STAG1: variants seen among roughly 807,000 people sequenced by gnomAD.
STAG1 encodes cohesin subunit SA-1.
STAG1 carries 26 observed loss-of-function variants against 170.9 expected under a neutral mutation model. The observed-to-expected ratio is 0.15, with a 90% CI of 0.11 to 0.21. The LOEUF (loss-of-function observed/expected upper bound fraction) is 0.21. Among genes scored for constraint, STAG1 ranks in the 10% least tolerant of loss-of-function variants. The pLI is 1.00. For missense variants in STAG1, 964 were observed against 1,509.5 expected (o/e 0.64, Z 5.99); for synonymous variants, 514 against 497.7 (o/e 1.03, Z -0.44).
chr3:136,457,216 C>G (rs2089138289), intron 13 of STAG1, among the ~76,000 whole-genome samples: 1 of 152,086 alleles, frequency 6.6e-6, no homozygotes, highest in African/African-American at 2.4e-5. Flanking sequence ...AGGCATAAAA[C>G]CCCTCGTAGC....
intron 19 of STAG1, 114 bp downstream of exon 19, chr3:136,422,296 G>T: frequency 1.1e-6 from 1 of 941,758 alleles, no homozygotes; most frequent in Non-Finnish European, 1.6e-6. Context: ...GTTTTGGAAG[G>T]GGCAGACAAT....
intron 5 of STAG1, among the ~76,000 whole-genome samples, chr3:136,562,600 T>G (rs1936890085): frequency 6.6e-6 from 1 of 151,786 alleles, no homozygotes; most frequent in African/African-American, 2.4e-5. Flanking sequence ...TTTTTTTCTT[T>G]TTTTGAGACA....
chr3:136,398,684 T>C (rs1250289883), intron 22 of STAG1, 65 bp downstream of exon 22: 1 of 876,246 alleles, frequency 1.1e-6, no homozygotes, highest in East Asian at 3.2e-5. Flanking sequence ...TAGTAAATTA[T>C]TAAATAGTTA....
intron 21 of STAG1, among the ~76,000 whole-genome samples, chr3:136,401,566 A>G (rs1160614749): frequency 1.3e-5 from 2 of 152,174 alleles, no homozygotes; most frequent in Non-Finnish European, 2.9e-5. Context: ...ATTCTATTAC[A>G]TATGGGTAGT....
chr3:136,427,331 G>C (rs1405770443), intron 16 of STAG1, among the ~76,000 whole-genome samples: 1 of 152,062 alleles, frequency 6.6e-6, no homozygotes, highest in East Asian at 1.9e-4. Flanking sequence ...TGCTATTGCA[G>C]TGAGCTCAAG....
Position 136,669,313 on chromosome 3 carries a change from CGTT to C in STAG1, c.-83-38335_-83-38333del, listed in dbSNP as rs1445937025. 3.9e-5 allele frequency among the ~76,000 whole-genome samples: 6 copies of C among 152,184 alleles called. No homozygotes were observed. The East Asian group carries it at 9.7e-4, about 24-fold the overall frequency. ...TGGTGAAATTAATAACATTAATGGT[CGTT>C]GTTGTTTTTTGTTGTTGTTTTTGCT... On this transcript the variant is annotated intron_variant, in intron 1 of 33. Coordinates refer to ENST00000383202, the MANE Select transcript of STAG1 (RefSeq NM_005862.3).
chr3:136,422,701 G>C, intron 18 of STAG1, 67 bp downstream of exon 18: 2 of 1,519,660 alleles, frequency 1.3e-6, no homozygotes, highest in Non-Finnish European at 8.9e-7. Context: ...AAGTCTATAA[G>C]AGTACATGAA....
At chr3:136,751,675 T>G (rs1030324450) in intron 1 of STAG1, among the ~76,000 whole-genome samples, 1 of 151,524 alleles carries the variant, frequency 6.6e-6, no homozygotes, top group Non-Finnish European at 1.5e-5. Context: ...TCCGCTGAAA[T>G]GAACTCGTTG....
intron 1 of STAG1, among the ~76,000 whole-genome samples, chr3:136,668,806 G>A (rs1372016091): frequency 6.6e-6 from 1 of 152,176 alleles, no homozygotes; most frequent in Non-Finnish European, 1.5e-5. Context: ...CTCTGCAGCT[G>A]GAAGCTATCA....
intron 21 of STAG1, among the ~76,000 whole-genome samples, chr3:136,412,814 C>A (rs2107713713): frequency 6.6e-6 from 1 of 150,596 alleles, no homozygotes; most frequent in East Asian, 1.9e-4. Flanking sequence ...CTGCATTGGT[C>A]CTAGGCTGAA....
chr3:136,528,878 C>CA (rs1301388222), intron 6 of STAG1, among the ~76,000 whole-genome samples: 35 of 151,372 alleles, frequency 2.3e-4, no homozygotes, highest in Non-Finnish European at 1.5e-5. Flanking sequence ...TGCAGTGAGC[C>CA]AAGATCATGC....
At chr3:136,367,882 T>C (rs1937140223) in intron 24 of STAG1, among the ~76,000 whole-genome samples, 2 of 152,208 alleles carry the variant, frequency 1.3e-5, no homozygotes, top group Non-Finnish European at 2.9e-5. Flanking sequence ...TTTCTATTTC[T>C]AATCCTAGAA....
chr3:136,611,218 A>AGGCCTCC (rs1394009186), intron 3 of STAG1, among the ~76,000 whole-genome samples: 1 of 152,036 alleles, frequency 6.6e-6, no homozygotes. Context: ...GGCACAATCT[A>AGGCCTCC]GGCTCACTGC....
intron 1 of STAG1, among the ~76,000 whole-genome samples, chr3:136,702,090 AG>A: frequency 1.1e-5 from 1 of 94,220 alleles, no homozygotes; most frequent in South Asian, 3.3e-4. Context: ...AGAGAGAGAG[AG>A]AGAGAGAGAG....
Position 136,344,997 on chromosome 3 carries a change from G to A in STAG1, c.3272-991C>T, listed in dbSNP as rs921720801. Among the ~76,000 whole-genome samples the A allele has an allele frequency of 7.9e-5, 12 of 152,194 alleles. No individual in the cohort carries two copies. In the South Asian group the frequency reaches 8.3e-4, roughly 11 times the overall value. On this transcript the variant is annotated intron_variant, in intron 29 of 33. Coordinates refer to ENST00000383202, the MANE Select transcript of STAG1 (RefSeq NM_005862.3). ...ACACTATACTGCATTAGCAGGTTACGTAATTTGTCATGTATATAAATTATC... is the reference window on the plus strand; with the variant it reads ...ACACTATACTGCATTAGCAGGTTACATAATTTGTCATGTATATAAATTATC...
In STAG1 at chr3:136,396,209, G is replaced by GTTTTT. The variant is rs1157402968; in HGVS notation, c.2277+2535_2277+2539dup. On this transcript the variant is annotated intron_variant, in intron 22 of 33. Transcript: ENST00000383202. The stretch of plus-strand genomic sequence containing the variant: ...GAGCCGCCAGGCCCAGTGTAACACA[G>GTTTTT]TTTTTTTTTTTTTTTTTTTTTTTTG... Among the ~76,000 whole-genome samples, 43 of 87,938 alleles carry GTTTTT rather than the reference G, an allele frequency of 4.9e-4. 2 individuals carry two copies. The highest frequency in any genetic ancestry group is 1.7e-3 in the East Asian group (4 of 2,412). 57.7% of individuals were successfully genotyped at this position (87,938 alleles called of 152,430 possible). A position where few individuals can be genotyped will look rare whatever the true frequency, so the allele number is the denominator to read the frequency against.
chr3:136,371,061 T>A (rs1208697139), intron 23 of STAG1, among the ~76,000 whole-genome samples: 1 of 152,140 alleles, frequency 6.6e-6, no homozygotes, highest in Non-Finnish European at 1.5e-5. Flanking sequence ...CTAACTGGTG[T>A]GAGATGGTAT....
At chr3:136,468,871 A>T (rs1030659280) in intron 12 of STAG1, among the ~76,000 whole-genome samples, 1 of 152,166 alleles carries the variant, frequency 6.6e-6, no homozygotes, top group Non-Finnish European at 1.5e-5. Context: ...TATGAACAGA[A>T]CCAAAGACAA....
At chr3:136,700,289 C>T (rs1250570857) in intron 1 of STAG1, among the ~76,000 whole-genome samples, 1 of 150,250 alleles carries the variant, frequency 6.7e-6, no homozygotes, top group African/African-American at 2.5e-5. Context: ...CTAAGAAAGA[C>T]TTGAAGATAA....
Sources: gnomAD v4.1 joint callset for allele counts (sites outside exome capture counted in the v4.1 genomes callset) on GRCh38, gnomAD v4.1.1 for gene constraint, MANE v1.5 for transcripts, NCBI Gene and HGNC (gene_info 2026-07-23, HGNC 2026-07-21) for gene names.